Variants in MAP2 observed in about 807,000 individuals in gnomAD.
MAP2 encodes microtubule associated protein 2.
Under a neutral mutation model 137.6 loss-of-function variants are expected in MAP2, and 14 were observed. That is an observed-to-expected ratio of 0.10 (90% CI 0.07 to 0.16). MAP2 has a LOEUF of 0.16. MAP2 is among the 10% of genes least tolerant of loss of function. MAP2 has a pLI of 1.00. For synonymous variants in MAP2, 786 were observed against 782.3 expected, an observed-to-expected ratio of 1.00 and a Z score of -0.08; for missense variants, 2,088 against 2,191.5, an observed-to-expected ratio of 0.95 and a Z score of 0.94.
At chr2:209,502,023 T>C (rs774586245) in intron 1 of MAP2, among the ~76,000 whole-genome samples, 2 of 152,100 alleles carry the variant, frequency 1.3e-5, no homozygotes, top group Non-Finnish European at 2.9e-5. Context: ...TATATATATA[T>C]ACACACACAG....
chr2:209,543,996 G>A (rs1226651700), intron 2 of MAP2, among the ~76,000 whole-genome samples: 10 of 152,148 alleles, frequency 6.6e-5, no homozygotes, highest in South Asian at 2.1e-4. Flanking sequence ...TTGGGAGGCC[G>A]AGGTGGGCGG....
chr2:209,608,487 A>G (rs909516687), intron 3 of MAP2, among the ~76,000 whole-genome samples: 5 of 152,036 alleles, frequency 3.3e-5, no homozygotes, highest in African/African-American at 1.2e-4. Context: ...GGATCTCGCT[A>G]TGTTGTCCAG....
intron 1 of MAP2, among the ~76,000 whole-genome samples, chr2:209,500,458 A>G (rs17316313): frequency 0.023 from 3,550 of 152,170 alleles, 47 homozygotes; most frequent in Non-Finnish European, 0.033. Context: ...ATCTCCACCT[A>G]TCAAAATCCC....
At chr2:209,625,929 T>C (rs537400951) in intron 4 of MAP2, among the ~76,000 whole-genome samples, 178 of 152,256 alleles carry the variant, frequency 1.2e-3, no homozygotes, top group Middle Eastern at 3.4e-3. Context: ...ATTCCTATGA[T>C]AAAAGCATAA....
chr2:209,511,537 T>C (rs1331667314), intron 2 of MAP2, among the ~76,000 whole-genome samples: 1 of 152,174 alleles, frequency 6.6e-6, no homozygotes, highest in East Asian at 1.9e-4. Context: ...TAATTCATGC[T>C]TTCTTGGTGC....
chr2:209,450,741 A>G (rs991989082), intron 1 of MAP2, among the ~76,000 whole-genome samples: 1 of 152,176 alleles, frequency 6.6e-6, no homozygotes, highest in Non-Finnish European at 1.5e-5. Flanking sequence ...ACTGTAGCTC[A>G]TTGGAAAGTC....
rs142358523 is a variant in MAP2, at chr2:209,462,461, A to G, written c.-222+38185A>G. Among the ~76,000 whole-genome samples the G allele has an allele frequency of 1.7e-4, 26 of 152,278 alleles. No homozygotes were observed. In the East Asian group the frequency reaches 4.8e-3, roughly 28 times the overall value. ...GTTTGAAAAATACTTAGTTATTCCA[A>G]TTAGGTTATTTATAGGCAACCTTTT... On this transcript the variant is annotated intron_variant, in intron 1 of 15. Coordinates refer to ENST00000682079, the MANE Select transcript of MAP2 (RefSeq NM_001375505.1).
At position 209,695,781 on chromosome 2, in the gene MAP2, G is replaced by A. The variant is rs200150779; in HGVS notation, c.3611G>A (p.Ser1204Asn). 61 of 1,613,914 alleles carry A rather than the reference G, an allele frequency of 3.8e-5. 1 individual carries two copies. The East Asian group carries it at 1.3e-3, about 35-fold the overall frequency. Residue 1204 changes from serine (S) to asparagine (N), a missense_variant, in exon 8 of 16, where the codon AGC (serine) becomes AAC (asparagine). Physicochemically the swap from Ser to Asn is conservative, Grantham distance 46. Around this residue, in one of 6 missense-constraint regions of MAP2, gnomAD observed 591 missense variants for 642.6 expected, o/e 0.92. Transcript: ENST00000682079. ...MEFIQGPKEE[S>N]KETPDISITP... The stretch of plus-strand genomic sequence containing the variant: ...TTTATTCAGGGGCCAAAAGAAGAAA[G>A]CAAAGAGACCCCAGATATATCCATC...
chr2:209,520,665 T>C (rs2063147331), intron 2 of MAP2, among the ~76,000 whole-genome samples: 2 of 152,120 alleles, frequency 1.3e-5, no homozygotes, highest in Admixed American at 6.6e-5. Context: ...TTCAGGCCGC[T>C]TAAGACCTTC....
chr2:209,657,283 T>C (rs2041396221), intron 5 of MAP2, among the ~76,000 whole-genome samples: 1 of 152,208 alleles, frequency 6.6e-6, no homozygotes, highest in Non-Finnish European at 1.5e-5. Flanking sequence ...TTCCATTGGG[T>C]AGATACCCAG....
intron 5 of MAP2, among the ~76,000 whole-genome samples, chr2:209,659,383 G>T (rs1205518898): frequency 1.1e-4 from 16 of 152,172 alleles, no homozygotes; most frequent in Non-Finnish European, 1.5e-4. Context: ...GAAGGGACCA[G>T]TGAGATGACT....
At chr2:209,704,950 A>G (rs1212813718) in intron 11 of MAP2, among the ~76,000 whole-genome samples, 1 of 150,908 alleles carries the variant, frequency 6.6e-6, no homozygotes, top group East Asian at 1.9e-4. Context: ...ATTGTACAGT[A>G]CAATAATAAC....
chr2:209,603,933 C>T lies in MAP2; in HGVS notation c.-106-21120C>T, dbSNP rs141105002. Among the ~76,000 whole-genome samples the T allele has an allele frequency of 7.9e-5, 12 of 152,164 alleles. No homozygotes were observed. The East Asian group carries it at 1.7e-3, about 22-fold the overall frequency. On this transcript the variant is annotated intron_variant, in intron 3 of 15. Transcript: ENST00000682079. ...GCCACAGTGTCCTACTTTTGCTGAT[C>T]GGAGGAATGTGCAATTGTGTGGAGG...
chr2:209,710,470 A>G (rs529591481), intron 13 of MAP2: 7 of 504,650 alleles, frequency 1.4e-5, no homozygotes, highest in African/African-American at 1.4e-4. Context: ...TTACTGGGTA[A>G]AAATTTTTAC....
At chr2:209,473,220 C>T (rs1706252043) in intron 1 of MAP2, among the ~76,000 whole-genome samples, 1 of 152,118 alleles carries the variant, frequency 6.6e-6, no homozygotes, top group South Asian at 2.1e-4. Context: ...ATAAATCCCA[C>T]GTTTTACAGT....
chr2:209,734,079 A>T lies in MAP2; in HGVS notation c.*3682A>T, dbSNP rs915513257. 6.6e-6 allele frequency: 1 copy of T among 152,438 alleles called. No individual in the cohort carries two copies. The highest frequency in any genetic ancestry group is 1.5e-5 in the Non-Finnish European group (1 of 68,018). 9.4% of individuals were successfully genotyped at this position (152,438 alleles called of 1,614,324 possible). Reference sequence around the variant, plus strand: ...CAAATGTATTTGTTGCTGTATAGTGATTGTTTTGCAAAATAAAATTGCTTG... The same window carrying T: ...CAAATGTATTTGTTGCTGTATAGTGTTTGTTTTGCAAAATAAAATTGCTTG... On this transcript the variant is annotated 3_prime_UTR_variant, in exon 16 of 16. Coordinates refer to ENST00000682079, the MANE Select transcript of MAP2 (RefSeq NM_001375505.1).
At chr2:209,523,982 A>T (rs1451528453) in intron 2 of MAP2, among the ~76,000 whole-genome samples, 2 of 152,100 alleles carry the variant, frequency 1.3e-5, no homozygotes, top group African/African-American at 4.8e-5. Context: ...CTGCTCACTG[A>T]TGACTGGTAC....
intron 2 of MAP2, among the ~76,000 whole-genome samples, chr2:209,576,615 C>G (rs2075408711): frequency 6.6e-6 from 1 of 151,886 alleles, no homozygotes; most frequent in African/African-American, 2.4e-5. Context: ...TTTTTCCATT[C>G]CCAGAACCTG....
rs573125462 is a variant in MAP2, at chr2:209,695,704, T to G, written c.3534T>G (p.Ala1178=). ...CAGTGGAAATACCTTGCCCACCTGC[T>G]GTTTCAGAGGCTGATTTAGCCACAG... ...KLSVEIPCPP[A]VSEADLATDE... is the part of the protein sequence containing the mutation. The change falls in exon 8 of 16, where the codon GCT becomes GCG. Residue 1178 remains alanine, a synonymous_variant. Transcript: ENST00000682079. The G allele has an allele frequency of 6.2e-7, 1 of 1,614,092 alleles. No individual in the cohort carries two copies. Among genetic ancestry groups the G allele is most frequent in the Admixed American group, 1.7e-5 (1 of 60,012 alleles).
Sources: allele counts gnomAD v4.1 joint callset (sites outside exome capture counted in the v4.1 genomes callset), GRCh38; gene constraint gnomAD v4.1.1; regional missense constraint gnomAD v4.1.1; transcripts MANE v1.5; gene names NCBI Gene and HGNC (gene_info 2026-07-23, HGNC 2026-07-21).